The following CSTPP1 variants were observed in gnomAD, a reference collection of about 807,000 sequenced individuals.
The protein encoded by CSTPP1 is centriolar satellite-associated tubulin polyglutamylase complex regulator 1, also known as UPF0705 protein C11orf49.
chr11:47,124,141 T>TTTTTTTTG, the CSTPP1 span, among the ~76,000 whole-genome samples: 1 of 142,986 alleles, frequency 7.0e-6, no homozygotes, highest in Non-Finnish European at 1.5e-5. Flanking sequence ...TTTTTTTTTT[T>TTTTTTTTG]GAGACAGAGG....
chr11:46,998,195 T>G, the CSTPP1 span, among the ~76,000 whole-genome samples: 2 of 152,202 alleles, frequency 1.3e-5, no homozygotes, highest in Non-Finnish European at 2.9e-5. Flanking sequence ...TTTCCTCCCT[T>G]TCTTGATTCT....
chr11:47,047,243 A>C, the CSTPP1 span, among the ~76,000 whole-genome samples: 1 of 152,190 alleles, frequency 6.6e-6, no homozygotes, highest in East Asian at 1.9e-4. Context: ...TTTTTCACTG[A>C]GAGAAGAAGC....
At chr11:47,041,300 A>G in the CSTPP1 span, 1 of 265,556 alleles carries the variant, frequency 3.8e-6, no homozygotes. Context: ...ACTCTGTCTC[A>G]TACAGGGATA....
the CSTPP1 span, among the ~76,000 whole-genome samples, chr11:47,117,105 CT>C: frequency 6.6e-6 from 1 of 152,168 alleles, no homozygotes; most frequent in East Asian, 1.9e-4. Context: ...CAGTCTGTGT[CT>C]TTTAATTGGG....
At chr11:46,955,871 C>G in the CSTPP1 span, among the ~76,000 whole-genome samples, 2 of 151,776 alleles carry the variant, frequency 1.3e-5, no homozygotes, top group African/African-American at 2.4e-5. Context: ...TGCCTGAAAT[C>G]CCAGCTACTC....
chr11:47,120,881 T>C, the CSTPP1 span, among the ~76,000 whole-genome samples: 7 of 152,210 alleles, frequency 4.6e-5, no homozygotes, highest in Admixed American at 4.6e-4. The surrounding 1 kb of genome is among the most constrained non-coding windows in gnomAD (Gnocchi z 4.2). Context: ...TTAGAGACAG[T>C]AAACATCCAA....
the CSTPP1 span, among the ~76,000 whole-genome samples, chr11:47,087,557 G>T: frequency 6.6e-6 from 1 of 152,180 alleles, no homozygotes; most frequent in Non-Finnish European, 1.5e-5. Context: ...AAATTAGCTG[G>T]GCATGGTGGT....
At chr11:47,041,090 C>T in the CSTPP1 span, 1 of 189,920 alleles carries the variant, frequency 5.3e-6, no homozygotes. Flanking sequence ...TTGTCTGCCC[C>T]CTGCACCTCA....
the CSTPP1 span, among the ~76,000 whole-genome samples, chr11:46,962,077 C>T: frequency 6.6e-6 from 1 of 152,124 alleles, no homozygotes; most frequent in African/African-American, 2.4e-5. Flanking sequence ...TGAGAAGTCT[C>T]TCACTATCAC....
chr11:47,004,187 T>G, the CSTPP1 span, among the ~76,000 whole-genome samples: 1 of 142,562 alleles, frequency 7.0e-6, no homozygotes, highest in Non-Finnish European at 1.5e-5. Context: ...TTTGTTTTTG[T>G]TTTTTTTTTT....
the CSTPP1 span, among the ~76,000 whole-genome samples, chr11:46,998,253 C>T: frequency 1.3e-5 from 2 of 152,128 alleles, no homozygotes; most frequent in African/African-American, 4.8e-5. Context: ...GTATACTGTG[C>T]GCCTTGCACT....
chr11:47,116,512 T>C, the CSTPP1 span, among the ~76,000 whole-genome samples: 3 of 151,982 alleles, frequency 2.0e-5, no homozygotes, highest in Non-Finnish European at 2.9e-5. Context: ...GTATTGGGGG[T>C]GCATATATAT....
chr11:47,020,201 G>T, the CSTPP1 span, among the ~76,000 whole-genome samples: 4 of 152,152 alleles, frequency 2.6e-5, no homozygotes, highest in Admixed American at 2.0e-4. Context: ...CATCTCCTTT[G>T]CTCATCTGTC....
the CSTPP1 span, among the ~76,000 whole-genome samples, chr11:46,980,617 A>G: frequency 2.0e-5 from 3 of 151,928 alleles, no homozygotes; most frequent in Admixed American, 2.0e-4. Flanking sequence ...AAAGCACACC[A>G]AAAAAAAGCC....
the CSTPP1 span, chr11:47,041,043 G>C: frequency 5.6e-6 from 1 of 178,774 alleles, no homozygotes; most frequent in Non-Finnish European, 1.2e-5. Context: ...TACAGGGCTT[G>C]TAGGGTTCCA....
the CSTPP1 span, among the ~76,000 whole-genome samples, chr11:46,959,498 T>C: frequency 6.6e-6 from 1 of 152,192 alleles, no homozygotes; most frequent in African/African-American, 2.4e-5. Context: ...GAGTAGTAAC[T>C]TTACTATGTA....
chr11:47,068,033 T>A, the CSTPP1 span, among the ~76,000 whole-genome samples: 7 of 152,086 alleles, frequency 4.6e-5, no homozygotes, highest in Admixed American at 2.0e-4. Context: ...TTTTTTTAAC[T>A]GTAGTCCTCA....
the CSTPP1 span, among the ~76,000 whole-genome samples, chr11:47,062,999 T>A: frequency 2.0e-5 from 3 of 152,160 alleles, no homozygotes; most frequent in Admixed American, 2.0e-4. Context: ...CTGCTGACAT[T>A]CCCTGCGCGT....
chr11:46,994,748 A>G, the CSTPP1 span, among the ~76,000 whole-genome samples: 14 of 149,304 alleles, frequency 9.4e-5, no homozygotes, highest in Non-Finnish European at 1.8e-4. Context: ...TTTTTTTGTT[A>G]TGTCTCTGCC....
Sources: allele counts gnomAD v4.1 joint callset (sites outside exome capture counted in the v4.1 genomes callset), GRCh38; gene constraint gnomAD v4.1.1; non-coding constraint Gnocchi (gnomAD v3.1); transcripts MANE v1.5; gene names NCBI Gene and HGNC (gene_info 2026-07-23, HGNC 2026-07-21).